The following NBN variants were observed in gnomAD, a reference collection of about 807,000 sequenced individuals.
The protein encoded by NBN is Nijmegen breakage syndrome 1 (nibrin).
In NBN, 88 loss-of-function variants were observed where a neutral mutation model predicts 90.8. The observed-to-expected ratio is 0.97, with a 90% CI of 0.82 to 1.16. The LOEUF (loss-of-function observed/expected upper bound fraction) is 1.16. NBN is among the 50% of genes most tolerant of loss of function. The pLI, the probability that NBN is intolerant of heterozygous loss-of-function variation, is 0.00. For missense variants in NBN, 894 were observed against 869.6 expected (o/e 1.03, Z -0.35); for synonymous variants, 328 against 295.1 (o/e 1.11, Z -1.14).
rs876659521 is a variant in NBN at position 89,958,856 on chromosome 8, T to C, written c.995-2A>G. 5.6e-6 allele frequency: 9 copies of C among 1,613,586 alleles called. No individual in the cohort carries two copies. Among genetic ancestry groups the C allele is most frequent in the Non-Finnish European group, 7.6e-6 (9 of 1,179,558 alleles). The stretch of plus-strand genomic sequence containing the variant: ...GTCCTGGAGTTGTTGTCTTTAATCC[T>C]GTAAATCACACAAGTAGAAAGAAAG... On this transcript the variant is annotated splice_acceptor_variant, in intron 8 of 15. Transcript: ENST00000265433. LOFTEE classifies it high-confidence loss of function.
intron 11 of NBN, among the ~76,000 whole-genome samples, chr8:89,948,272 A>G (rs1382169527): frequency 2.0e-5 from 3 of 152,190 alleles, no homozygotes; most frequent in Non-Finnish European, 4.4e-5. Context: ...AATATTAACC[A>G]TGGTTGTCTG....
At chr8:89,981,155 G>A (rs1485371544) in intron 3 of NBN, among the ~76,000 whole-genome samples, 5 of 152,010 alleles carry the variant, frequency 3.3e-5, no homozygotes, top group African/African-American at 7.2e-5. Flanking sequence ...ATGAGGAATC[G>A]AAGAAATGTA....
rs863224714 is a variant in NBN at position 89,953,605 on chromosome 8, G to C, written c.1484C>G (p.Pro495Arg). 6.2e-7 allele frequency: 1 copy of C among 1,613,410 alleles called. No homozygotes were observed. The highest frequency in any genetic ancestry group is 8.5e-7 in the Non-Finnish European group (1 of 1,179,638). ...TSCSLLEQTQ[P>R]ATPSLWKNKE... ...ATTTTTCCACAATGAGGGTGTAGCAGGTTGTGTTTGTTCTAAAAGAGAACA... is the reference window on the plus strand; with the variant it reads ...ATTTTTCCACAATGAGGGTGTAGCACGTTGTGTTTGTTCTAAAAGAGAACA... Residue 495 changes from proline to arginine, a missense_variant, in exon 11 of 16, where the codon CCT becomes CGT. Physicochemically the swap from Pro to Arg is moderately radical, Grantham distance 103. Transcript: ENST00000265433.
intron 15 of NBN, chr8:89,936,228 C>T (rs1443851407): frequency 1.8e-5 from 4 of 228,326 alleles, no homozygotes; most frequent in South Asian, 4.5e-5. Flanking sequence ...AGGTGCATGC[C>T]ACCACGCCTG....
intron 5 of NBN, 141 bp downstream of exon 5, chr8:89,978,079 A>G: frequency 2.7e-6 from 2 of 747,950 alleles, no homozygotes; most frequent in Non-Finnish European, 4.4e-6. Context: ...AAACTAACAA[A>G]AAACCTTCCA....
At chr8:89,970,999 G>A (rs559222129) in intron 6 of NBN, among the ~76,000 whole-genome samples, 174 bp downstream of exon 6, 6 of 152,208 alleles carry the variant, frequency 3.9e-5, no homozygotes, top group East Asian at 1.9e-4. Context: ...AAGAAACCCC[G>A]TAATCACAGC....
In NBN at chr8:89,953,452, C is replaced by G. The variant is rs1360502904; in HGVS notation, c.1637G>C (p.Arg546Thr). 6.2e-7 allele frequency: 1 copy of G among 1,613,530 alleles called. No homozygotes were observed. Among genetic ancestry groups the G allele is most frequent in the Non-Finnish European group, 8.5e-7 (1 of 1,179,738 alleles). The change falls in exon 11 of 16, where the codon AGA (arginine) becomes ACA (threonine). Residue 546 changes from arginine to threonine, a missense_variant. By Grantham distance (71) the Arg-to-Thr change is moderately conservative. Coordinates refer to ENST00000265433, the MANE Select transcript of NBN (RefSeq NM_002485.5). ...ATCCATTTCCCTTTTTTTATTTGATCTTAGCTTTTCTGCAGCATGAGATTT... is the reference window on the plus strand; with the variant it reads ...ATCCATTTCCCTTTTTTTATTTGATGTTAGCTTTTCTGCAGCATGAGATTT... ...ASKSHAAEKL[R>T]SNKKREMDDV...
rs1563559145 is a variant in NBN at position 89,970,395 on chromosome 8, A to C, written c.865T>G (p.Trp289Gly). ...AGCATATCCATTATTGACTGAATCC[A>C]TTTCTTCTGACAGTCAGGAATTAAG... ...QTLIPDCQKK[W>G]IQSIMDMLQR... The change falls in exon 7 of 16, where the codon TGG (tryptophan) becomes GGG (glycine). Residue 289 changes from tryptophan (W) to glycine (G), a missense_variant. By Grantham distance (184) the Trp-to-Gly change is radical (BLOSUM62 -2). Coordinates refer to ENST00000265433, the MANE Select transcript of NBN (RefSeq NM_002485.5). The C allele has an allele frequency of 6.2e-7, 1 of 1,613,588 alleles. No homozygotes were observed. The highest frequency in any genetic ancestry group is 1.3e-5 in the African/African-American group (1 of 74,892).
At chr8:89,980,159 C>T (rs1051599502) in intron 4 of NBN, among the ~76,000 whole-genome samples, 7 of 152,132 alleles carry the variant, frequency 4.6e-5, no homozygotes, top group African/African-American at 1.7e-4. Context: ...TCCAGCTGAG[C>T]GGCAAGCCTT....
At chr8:89,969,741 T>C (rs1811418353) in intron 7 of NBN, among the ~76,000 whole-genome samples, 1 of 150,972 alleles carries the variant, frequency 6.6e-6, no homozygotes, top group Non-Finnish European at 1.5e-5. Flanking sequence ...CATCTCAGGA[T>C]GGGAGTTTGA....
chr8:89,969,377 C>A lies in NBN; in HGVS notation c.896+987G>T, dbSNP rs560926086. Among the ~76,000 whole-genome samples the A allele has an allele frequency of 2.6e-5, 4 of 152,154 alleles. No individual in the cohort carries two copies. The East Asian group carries it at 7.7e-4, about 29-fold the overall frequency. On this transcript the variant is annotated intron_variant, in intron 7 of 15. Transcript: ENST00000265433. ...AGGATAGGAATGTTTATATGTCTTTCTAATGGGTAATAACCATCAAAGGGC... is the reference window on the plus strand; with the variant it reads ...AGGATAGGAATGTTTATATGTCTTTATAATGGGTAATAACCATCAAAGGGC...
chr8:89,936,147 G>A, intron 15 of NBN: 1 of 317,436 alleles, frequency 3.2e-6, no homozygotes, highest in South Asian at 2.3e-5. Flanking sequence ...GCGCGATCTT[G>A]GCTCACGCAG....
intron 7 of NBN, among the ~76,000 whole-genome samples, chr8:89,968,362 T>C (rs1035748172): frequency 5.9e-5 from 9 of 152,096 alleles, no homozygotes; most frequent in Non-Finnish European, 2.9e-5. Flanking sequence ...TACTTTTTTT[T>C]AACCTCAGGG....
chr8:89,962,485 T>C (rs1811036554), intron 8 of NBN, among the ~76,000 whole-genome samples: 1 of 152,240 alleles, frequency 6.6e-6, no homozygotes, highest in East Asian at 1.9e-4. Flanking sequence ...AGCATATTTC[T>C]AGTAGACAAG....
intron 11 of NBN, 50 bp from the exon 12 acceptor site, chr8:89,947,942 TGTTTCTATCACTTCTTG>T: frequency 8.9e-7 from 1 of 1,123,184 alleles, no homozygotes; most frequent in Non-Finnish European, 1.3e-6. Context: ...TAAAATGGTA[TGTTTCTATCACTTCTTG>T]GCCTTTTGAA....
intron 8 of NBN, 121 bp downstream of exon 8, chr8:89,964,289 G>C: frequency 8.9e-7 from 1 of 1,120,474 alleles, no homozygotes; most frequent in East Asian, 2.4e-5. Context: ...AGTATAAATG[G>C]ATGAATTTTA....
chr8:89,979,704 A>G (rs1811961760), intron 4 of NBN, among the ~76,000 whole-genome samples: 1 of 152,216 alleles, frequency 6.6e-6, no homozygotes, highest in African/African-American at 2.4e-5. Flanking sequence ...ATGAATGACC[A>G]GGAATTTTTT....
At chr8:89,949,422 C>T (rs543713768) in intron 11 of NBN, among the ~76,000 whole-genome samples, 1 of 152,164 alleles carries the variant, frequency 6.6e-6, no homozygotes, top group South Asian at 2.1e-4. Flanking sequence ...AAATGCTTGA[C>T]TTGAGAAAGG....
At chr8:89,949,024 G>A (rs1010717564) in intron 11 of NBN, among the ~76,000 whole-genome samples, 2 of 152,118 alleles carry the variant, frequency 1.3e-5, no homozygotes, top group Non-Finnish European at 2.9e-5. Flanking sequence ...TCCCATATAA[G>A]TAAACCACCA....
Sources: allele counts gnomAD v4.1 joint callset (sites outside exome capture counted in the v4.1 genomes callset), GRCh38; gene constraint gnomAD v4.1.1; transcripts MANE v1.5; gene names NCBI Gene and HGNC (gene_info 2026-07-23, HGNC 2026-07-21).